The following ZFHX3 variants were observed in gnomAD, a reference collection of about 807,000 sequenced individuals.
ZFHX3 encodes the protein zinc finger homeobox 3.
A neutral mutation model predicts 279.1 loss-of-function variants in ZFHX3; 42 were observed. The observed-to-expected ratio is 0.15, with a 90% CI of 0.12 to 0.19. The LOEUF is 0.19. Ranked by LOEUF, ZFHX3 falls within the 10% of genes least tolerant of loss-of-function variation. The pLI is 1.00. For missense variants in ZFHX3, 4,981 were observed against 4,754.0 expected, an observed-to-expected ratio of 1.05 and a Z score of -1.40; for synonymous variants, 2,293 against 1,957.8, an observed-to-expected ratio of 1.17 and a Z score of -4.52.
intron 1 of ZFHX3, among the ~76,000 whole-genome samples, chr16:72,996,031 A>G (rs1314590670): frequency 6.6e-6 from 1 of 152,074 alleles, no homozygotes; most frequent in East Asian, 1.9e-4. Flanking sequence ...ACTTTGGGAC[A>G]CCAAGGCGGG....
chr16:73,553,903 G>T (rs1010427856), intron 2 of ZFHX3, among the ~76,000 whole-genome samples: 4 of 152,162 alleles, frequency 2.6e-5, no homozygotes, highest in Non-Finnish European at 4.4e-5. Context: ...TCACTGAAAT[G>T]CTTAATGTGA....
At chr16:73,442,498 C>G (rs556322209) in intron 3 of ZFHX3, among the ~76,000 whole-genome samples, 1 of 151,748 alleles carries the variant, frequency 6.6e-6, no homozygotes, top group Non-Finnish European at 1.5e-5. Context: ...TGAACAATAT[C>G]TTTAGTATCT....
intron 3 of ZFHX3, among the ~76,000 whole-genome samples, chr16:72,911,280 T>C (rs916188644): frequency 2.0e-5 from 3 of 152,234 alleles, no homozygotes; most frequent in Non-Finnish European, 2.9e-5. Flanking sequence ...GAAGTTAGCA[T>C]AGCTATTTAA....
At chr16:73,599,649 G>C (rs1425759223) in intron 2 of ZFHX3, among the ~76,000 whole-genome samples, 5 of 151,254 alleles carry the variant, frequency 3.3e-5, no homozygotes, top group African/African-American at 1.2e-4. Flanking sequence ...CATTAGGAGA[G>C]ATCATCAAAA....
At chr16:73,515,087 T>G (rs2019496551) in intron 2 of ZFHX3, among the ~76,000 whole-genome samples, 1 of 152,234 alleles carries the variant, frequency 6.6e-6, no homozygotes, top group Non-Finnish European at 1.5e-5. Flanking sequence ...CTTCCCAGAA[T>G]GTTTAGAGTC....
intron 2 of ZFHX3, among the ~76,000 whole-genome samples, chr16:73,590,209 A>G (rs75176117): frequency 0.028 from 4,297 of 152,296 alleles, 198 homozygotes; most frequent in African/African-American, 0.098. Flanking sequence ...GATATAAAGA[A>G]AACATTTTCC....
At chr16:72,893,729 C>T (rs2038826806) in intron 3 of ZFHX3, among the ~76,000 whole-genome samples, 1 of 152,126 alleles carries the variant, frequency 6.6e-6, no homozygotes, top group Non-Finnish European at 1.5e-5. Context: ...AAAATGAAGC[C>T]ACGGCTGCTC....
At chr16:73,700,604 G>A (rs2053237631) in intron 1 of ZFHX3, among the ~76,000 whole-genome samples, 1 of 152,164 alleles carries the variant, frequency 6.6e-6, no homozygotes, top group South Asian at 2.1e-4. Context: ...GGTGTTTAGT[G>A]AAGAAGCTAT....
chr16:73,113,959 C>G (rs997034300), intron 7 of ZFHX3, among the ~76,000 whole-genome samples: 2 of 151,924 alleles, frequency 1.3e-5, no homozygotes, highest in African/African-American at 4.8e-5. Context: ...CCATGCCCAG[C>G]TAATTTTTTT....
chr16:73,257,037 C>T (rs550072504), intron 5 of ZFHX3: 2 of 152,178 alleles, frequency 1.3e-5, no homozygotes, highest in East Asian at 1.9e-4. Flanking sequence ...CAGAAAGAAA[C>T]GGCACCTACC....
chr16:73,191,412 A>G (rs1354581307), intron 5 of ZFHX3, among the ~76,000 whole-genome samples: 3 of 152,112 alleles, frequency 2.0e-5, no homozygotes, highest in African/African-American at 7.2e-5. Flanking sequence ...GCCCCTTCCA[A>G]ACTGCCTCTA....
chr16:73,208,708 T>C (rs541678984), intron 5 of ZFHX3, among the ~76,000 whole-genome samples: 1 of 152,324 alleles, frequency 6.6e-6, no homozygotes, highest in African/African-American at 2.4e-5. Flanking sequence ...CTATCTTTGG[T>C]TGGTAGGATT....
intron 8 of ZFHX3, chr16:73,093,169 C>T: frequency 1.9e-6 from 1 of 520,102 alleles, no homozygotes; most frequent in Non-Finnish European, 3.8e-6. Flanking sequence ...TCACCTCCAG[C>T]AGAGGTTTTC....
intron 1 of ZFHX3, among the ~76,000 whole-genome samples, chr16:73,880,141 G>A (rs1439317108): frequency 6.6e-6 from 1 of 152,048 alleles, no homozygotes; most frequent in Non-Finnish European, 1.5e-5. Context: ...TCCCTTGAAA[G>A]TTCTCCGGAG....
At chr16:73,636,034 C>A (rs188505430) in intron 2 of ZFHX3, among the ~76,000 whole-genome samples, 3 of 151,998 alleles carry the variant, frequency 2.0e-5, no homozygotes, top group Admixed American at 6.6e-5. Flanking sequence ...AGCTTATTTT[C>A]GCTCCTCACC....
chr16:72,983,830 G>A (rs922539134), intron 1 of ZFHX3, among the ~76,000 whole-genome samples: 23 of 152,262 alleles, frequency 1.5e-4, no homozygotes, highest in African/African-American at 5.1e-4. Flanking sequence ...ACCAGCACAG[G>A]TCTAACTACC....
At position 73,449,444 on chromosome 16, in the gene ZFHX3, T is replaced by C. The variant is rs544743538; in HGVS notation, c.-1291+6559A>G. Among the ~76,000 whole-genome samples the C allele has an allele frequency of 5.6e-4, 85 of 152,174 alleles. 1 individual carries two copies. The South Asian group carries it at 7.9e-3, about 14-fold the overall frequency. ...CAGAAGGCTGAGGCGGGAGGATTGC[T>C]TGAGGCCAGAAGTTAGAGATCAGCC... On this transcript the variant is annotated intron_variant, in intron 3 of 17. Transcript: ENST00000641206.
chr16:72,853,688 G>C (rs1489115361), intron 4 of ZFHX3, among the ~76,000 whole-genome samples: 1 of 152,218 alleles, frequency 6.6e-6, no homozygotes, highest in African/African-American at 2.4e-5. Context: ...GTAGGCATTG[G>C]AAGAGAGGGC....
At chr16:73,705,551 T>C (rs2053294826) in intron 1 of ZFHX3, among the ~76,000 whole-genome samples, 1 of 152,168 alleles carries the variant, frequency 6.6e-6, no homozygotes, top group Non-Finnish European at 1.5e-5. Flanking sequence ...CCTTGAAATA[T>C]TTCCATATTG....
Sources: allele counts gnomAD v4.1 joint callset (sites outside exome capture counted in the v4.1 genomes callset), GRCh38; gene constraint gnomAD v4.1.1; transcripts MANE v1.5; gene names NCBI Gene and HGNC (gene_info 2026-07-23, HGNC 2026-07-21).